Variants in SNX7 observed in about 807,000 individuals in gnomAD.
SNX7 encodes the protein sorting nexin-7.
A neutral mutation model predicts 48.4 loss-of-function variants in SNX7; 35 were observed. The ratio of observed to expected loss-of-function variants is 0.72; its 90% CI spans 0.55 to 0.96. The LOEUF is 0.96. Among genes scored for constraint, SNX7 ranks in the 40% least tolerant of loss-of-function variants. The pLI is 0.00. For missense variants in SNX7, 553 were observed against 548.9 expected, an observed-to-expected ratio of 1.01 and a Z score of -0.07; for synonymous variants, 190 against 190.2, an observed-to-expected ratio of 1.00 and a Z score of 0.01.
At chr1:98,703,389 A>G (rs1195069169) in intron 7 of SNX7, among the ~76,000 whole-genome samples, 1 of 152,142 alleles carries the variant, frequency 6.6e-6, no homozygotes, top group African/African-American at 2.4e-5. Flanking sequence ...ACTTAGAATT[A>G]TTATACTATG....
At chr1:98,685,374 C>T (rs1267701463) in intron 2 of SNX7, among the ~76,000 whole-genome samples, 4 of 151,878 alleles carry the variant, frequency 2.6e-5, no homozygotes, top group African/African-American at 9.7e-5. Context: ...AAAGATGGGC[C>T]TCAAGTTGTT....
chr1:98,661,790 CCAACGGGGAGAGCCCGGGGGGCGG>C lies in SNX7; in HGVS notation c.61_84del (p.Asn21_Gly28del). ...TCCTCGGGCCTCCCGGCCGGGGGCG[CCAACGGGGAGAGCCCGGGGGGCGG>C]CGCCCCCTTTCCGGGCAGCAGTGGC... On this transcript the variant is annotated inframe_deletion, in exon 1 of 9. Coordinates refer to ENST00000306121, the MANE Select transcript of SNX7 (RefSeq NM_015976.5). The C allele has an allele frequency of 8.0e-7, 1 of 1,244,032 alleles. No homozygotes were observed. The allele number at this position is 1,244,032 out of a possible 1,614,324, so 77.1% of individuals were successfully genotyped here.
At chr1:98,700,568 A>G (rs973560089) in intron 6 of SNX7, among the ~76,000 whole-genome samples, 3 of 151,374 alleles carry the variant, frequency 2.0e-5, no homozygotes, top group Non-Finnish European at 2.9e-5. Flanking sequence ...TTTAAGAGAC[A>G]TGGTCTCACT....
chr1:98,693,904 A>G (rs1651283729), intron 4 of SNX7, among the ~76,000 whole-genome samples: 1 of 152,192 alleles, frequency 6.6e-6, no homozygotes, highest in Non-Finnish European at 1.5e-5. Flanking sequence ...GGCCACAATG[A>G]TTATTAAAAT....
chr1:98,698,808 A>T lies in SNX7; in HGVS notation c.941A>T (p.Asp314Val). 1 of 1,613,738 alleles carries T rather than the reference A, an allele frequency of 6.2e-7. No homozygotes were observed. Among genetic ancestry groups the T allele is most frequent in the Non-Finnish European group, 8.5e-7 (1 of 1,179,796 alleles). ...DTLKDVASCI[D>V]RCCKATEKRM... ...CTAAAGGATGTTGCCAGCTGCATTG[A>T]CAGATGCTGTAAGGCCACTGAAAAG... is the stretch of plus-strand genomic sequence containing the variant. Residue 314 changes from aspartate (D) to valine (V), a missense_variant, in exon 6 of 9, where the codon GAC becomes GTC. By Grantham distance (152) the Asp-to-Val change is radical. Coordinates refer to ENST00000306121, the MANE Select transcript of SNX7 (RefSeq NM_015976.5).
intron 8 of SNX7, among the ~76,000 whole-genome samples, chr1:98,739,149 A>C (rs1401746315): frequency 6.6e-6 from 1 of 152,126 alleles, no homozygotes; most frequent in Non-Finnish European, 1.5e-5. Flanking sequence ...CATAAGGAGC[A>C]CGCAACTTAG....
intron 1 of SNX7, among the ~76,000 whole-genome samples, chr1:98,683,554 C>T (rs1427906577): frequency 6.6e-6 from 1 of 152,000 alleles, no homozygotes; most frequent in Non-Finnish European, 1.5e-5. Context: ...ATAAAGGACC[C>T]CAGAGAGACC....
chr1:98,674,052 G>A (rs897131811), intron 1 of SNX7, among the ~76,000 whole-genome samples: 1 of 152,160 alleles, frequency 6.6e-6, no homozygotes, highest in African/African-American at 2.4e-5. Flanking sequence ...TAGAATGTTG[G>A]AATCATCTAA....
chr1:98,701,476 A>G (rs968596398), intron 6 of SNX7, among the ~76,000 whole-genome samples: 2 of 152,092 alleles, frequency 1.3e-5, no homozygotes, highest in Admixed American at 6.6e-5. Context: ...CAGTGCTTCT[A>G]CTATTTTTTG....
intron 5 of SNX7, among the ~76,000 whole-genome samples, chr1:98,696,117 GT>G (rs1437382139): frequency 4.0e-5 from 6 of 151,848 alleles, no homozygotes; most frequent in African/African-American, 1.2e-4. Context: ...ACCTGTCGAA[GT>G]ATGGCAGAGA....
At chr1:98,697,848 A>T (rs1441521629) in intron 5 of SNX7, among the ~76,000 whole-genome samples, 1 of 152,148 alleles carries the variant, frequency 6.6e-6, no homozygotes, top group African/African-American at 2.4e-5. Flanking sequence ...GATTTATTTG[A>T]ACTGGAATTT....
intron 7 of SNX7, among the ~76,000 whole-genome samples, chr1:98,735,008 G>A (rs1415020843): frequency 6.6e-6 from 1 of 152,030 alleles, no homozygotes; most frequent in African/African-American, 2.4e-5. Context: ...AATTTCCTAT[G>A]GTTAGAGTTA....
chr1:98,736,604 CAA>C (rs1285070072), intron 7 of SNX7, among the ~76,000 whole-genome samples: 3 of 152,066 alleles, frequency 2.0e-5, no homozygotes, highest in African/African-American at 7.2e-5. Flanking sequence ...ACAAACTAAA[CAA>C]GAGAGTGAAA....
At chr1:98,689,576 A>G (rs552633022) in intron 2 of SNX7, among the ~76,000 whole-genome samples, 1 of 152,200 alleles carries the variant, frequency 6.6e-6, no homozygotes, top group Non-Finnish European at 1.5e-5. Context: ...AGGGACGTAT[A>G]CAGCTCAATC....
intron 2 of SNX7, among the ~76,000 whole-genome samples, 174 bp downstream of exon 2, chr1:98,685,241 G>T (rs56009405): frequency 2.6e-5 from 4 of 151,822 alleles, no homozygotes; most frequent in Non-Finnish European, 4.4e-5. Flanking sequence ...CACTTGTTCT[G>T]TATTAAGTCA....
chr1:98,728,198 C>A (rs1325156861), intron 7 of SNX7, among the ~76,000 whole-genome samples: 2 of 152,144 alleles, frequency 1.3e-5, no homozygotes. Flanking sequence ...TTAGCAGAAA[C>A]CCTGCAAGCC....
At chr1:98,759,942 A>C in intron 8 of SNX7, 112 bp from the exon 9 acceptor site, 1 of 665,204 alleles carries the variant, frequency 1.5e-6, no homozygotes. Context: ...AGCTGATGGG[A>C]GAGAAGAATA....
chr1:98,698,849 T>C lies in SNX7; in HGVS notation c.982T>C (p.Ser328Pro). The change falls in exon 6 of 9, where the codon TCA becomes CCA. Residue 328 changes from serine (S) to proline (P), a missense_variant. Transcript: ENST00000306121. ...CACTGAAAAGCGGATGTCTGGACTC[T>C]CAGAGGCCCTGCTTCCTGTTGTACA... ...KATEKRMSGL[S>P]EALLPVVHEY... 1 of 1,613,868 alleles carries C rather than the reference T, an allele frequency of 6.2e-7. No individual in the cohort carries two copies. The highest frequency in any genetic ancestry group is 8.5e-7 in the Non-Finnish European group (1 of 1,179,798).
chr1:98,755,932 A>G (rs564432321), intron 8 of SNX7, among the ~76,000 whole-genome samples: 1 of 151,960 alleles, frequency 6.6e-6, no homozygotes, highest in African/African-American at 2.4e-5. Flanking sequence ...AGGATTATTG[A>G]TATATTTGAG....
Sources: allele counts gnomAD v4.1 joint callset (sites outside exome capture counted in the v4.1 genomes callset), GRCh38; gene constraint gnomAD v4.1.1; transcripts MANE v1.5; gene names NCBI Gene and HGNC (gene_info 2026-07-23, HGNC 2026-07-21).